Variants in ENTHD1 observed in about 807,000 individuals in gnomAD.
The protein encoded by ENTHD1 is ENTH domain-containing protein 1.
Under a neutral mutation model 39.1 loss-of-function variants are expected in ENTHD1, and 23 were observed. That is an observed-to-expected ratio of 0.59 (90% CI 0.42 to 0.83). ENTHD1 has a LOEUF of 0.83. ENTHD1 is among the 40% of genes least tolerant of loss of function. ENTHD1 has a pLI of 0.00. For missense variants in ENTHD1, 624 were observed against 705.4 expected (o/e 0.88, Z 1.31); for synonymous variants, 230 against 258.2 (o/e 0.89, Z 1.05).
intron 6 of ENTHD1, among the ~76,000 whole-genome samples, chr22:39,759,913 T>A (rs2065217404): frequency 6.6e-6 from 1 of 152,062 alleles, no homozygotes; most frequent in Non-Finnish European, 1.5e-5. Flanking sequence ...CTAATTTAAT[T>A]CTGCTGTGGC....
chr22:39,748,119 T>C (rs548671179), intron 6 of ENTHD1, among the ~76,000 whole-genome samples: 1 of 152,006 alleles, frequency 6.6e-6, no homozygotes, highest in African/African-American at 2.4e-5. Context: ...CATGGTGGTG[T>C]GTACCTGTGG....
intron 5 of ENTHD1, among the ~76,000 whole-genome samples, chr22:39,814,293 T>TCCAAAAAAAAAAAAA (rs1264135356): frequency 1.8e-5 from 2 of 108,914 alleles, no homozygotes; most frequent in African/African-American, 7.8e-5. Context: ...ACCCCATCTC[T>TCCAAAAAAAAAAAAA]ACAAAAAAAA....
At chr22:39,828,947 T>C (rs1365049920) in intron 4 of ENTHD1, among the ~76,000 whole-genome samples, 1 of 152,260 alleles carries the variant, frequency 6.6e-6, no homozygotes, top group Non-Finnish European at 1.5e-5. Context: ...AATTTTTCTT[T>C]CATTTATAAA....
At chr22:39,781,309 C>A (rs978443982) in intron 5 of ENTHD1, among the ~76,000 whole-genome samples, 5 of 152,024 alleles carry the variant, frequency 3.3e-5, no homozygotes, top group African/African-American at 4.8e-5. Context: ...TATAAAGTAT[C>A]TTTTTGGACC....
At chr22:39,887,344 A>G in intron 2 of ENTHD1, 56 bp downstream of exon 2, 1 of 1,451,300 alleles carries the variant, frequency 6.9e-7, no homozygotes, top group Non-Finnish European at 9.3e-7. Flanking sequence ...CCCATGCACC[A>G]GGATTACCGG....
chr22:39,875,105 T>C (rs903890409), intron 2 of ENTHD1, among the ~76,000 whole-genome samples: 12 of 152,204 alleles, frequency 7.9e-5, no homozygotes, highest in Non-Finnish European at 1.2e-4. Flanking sequence ...GGATAAACTG[T>C]GGTATGCACA....
chr22:39,839,814 C>G (rs2065930966), intron 3 of ENTHD1, among the ~76,000 whole-genome samples: 1 of 151,968 alleles, frequency 6.6e-6, no homozygotes, highest in Non-Finnish European at 1.5e-5. Flanking sequence ...GTCAGATGGT[C>G]AATTTTGAAG....
intron 4 of ENTHD1, among the ~76,000 whole-genome samples, chr22:39,833,527 C>T (rs1019093759): frequency 5.3e-5 from 8 of 151,646 alleles, no homozygotes; most frequent in Non-Finnish European, 1.0e-4. Flanking sequence ...AACATAAATA[C>T]TGAATATTAC....
intron 3 of ENTHD1, among the ~76,000 whole-genome samples, chr22:39,847,804 TG>T (rs1353065761): frequency 6.6e-6 from 1 of 152,238 alleles, no homozygotes; most frequent in Non-Finnish European, 1.5e-5. Context: ...AGTTTTCTAA[TG>T]GTGCTATAAG....
chr22:39,813,372 C>T (rs1478712061), intron 5 of ENTHD1, among the ~76,000 whole-genome samples: 2 of 152,240 alleles, frequency 1.3e-5, no homozygotes, highest in East Asian at 3.9e-4. Flanking sequence ...AACTCCTAAA[C>T]AAAATATTAG....
At chr22:39,804,452 C>CAAAAAAAAA in intron 5 of ENTHD1, among the ~76,000 whole-genome samples, 1 of 78,062 alleles carries the variant, frequency 1.3e-5, no homozygotes, top group Non-Finnish European at 2.7e-5. Flanking sequence ...GACTCTGTCT[C>CAAAAAAAAA]AAAAAAAAAA....
At chr22:39,797,147 A>C (rs1238833495) in intron 5 of ENTHD1, among the ~76,000 whole-genome samples, 2 of 152,156 alleles carry the variant, frequency 1.3e-5, no homozygotes, top group African/African-American at 4.8e-5. Flanking sequence ...TTTTGACTTA[A>C]AGTCTGTTTC....
chr22:39,887,830 C>A lies in ENTHD1; in HGVS notation c.-82G>T. On this transcript the variant is annotated 5_prime_UTR_variant, in exon 2 of 7. Coordinates refer to ENST00000325157, the MANE Select transcript of ENTHD1 (RefSeq NM_152512.4). Reference sequence around the variant, plus strand: ...TGTCACGGGTTTATAAAACTCTTGACAGGTAATTGGTCCCCAGTTCTGCTG... The same window carrying A: ...TGTCACGGGTTTATAAAACTCTTGAAAGGTAATTGGTCCCCAGTTCTGCTG... The A allele has an allele frequency of 1.0e-6, 1 of 1,000,890 alleles. No individual in the cohort carries two copies. The highest frequency in any genetic ancestry group is 2.5e-5 in the East Asian group (1 of 40,120). The allele number at this position is 1,000,890 out of a possible 1,614,324, so 62.0% of individuals were successfully genotyped here. A position where few individuals can be genotyped will look rare whatever the true frequency, so the allele number is the denominator to read the frequency against.
chr22:39,823,646 C>T (rs970092415), intron 4 of ENTHD1, among the ~76,000 whole-genome samples: 5 of 152,120 alleles, frequency 3.3e-5, no homozygotes, highest in Admixed American at 2.6e-4. Flanking sequence ...TGCCACTGTA[C>T]CAGCCTAGAT....
intron 6 of ENTHD1, among the ~76,000 whole-genome samples, chr22:39,757,847 G>A (rs1222215428): frequency 2.0e-5 from 3 of 150,894 alleles, no homozygotes; most frequent in Non-Finnish European, 4.4e-5. Flanking sequence ...TCATGATAGT[G>A]AGTGAATTCT....
At chr22:39,838,086 A>G (rs2065919074) in intron 3 of ENTHD1, among the ~76,000 whole-genome samples, 1 of 152,352 alleles carries the variant, frequency 6.6e-6, no homozygotes, top group South Asian at 2.1e-4. Flanking sequence ...ATGATACAAT[A>G]AAATTATTTT....
intron 5 of ENTHD1, among the ~76,000 whole-genome samples, chr22:39,771,327 CT>C (rs1444202326): frequency 6.6e-6 from 1 of 152,116 alleles, no homozygotes; most frequent in Admixed American, 6.6e-5. Context: ...GGGAAGTTTG[CT>C]GTTTTTCCAA....
intron 1 of ENTHD1, among the ~76,000 whole-genome samples, chr22:39,888,256 C>G (rs925375547): frequency 1.6e-5 from 2 of 128,524 alleles, no homozygotes; most frequent in Admixed American, 8.0e-5. Context: ...TTCTTTCTTT[C>G]TTTCTTTTTT....
rs111462303 is a variant in ENTHD1, at chr22:39,770,469, A to C, written c.833-4860T>G. Among the ~76,000 whole-genome samples, 58 of 152,114 alleles carry C rather than the reference A, an allele frequency of 3.8e-4. 1 individual carries two copies. The highest frequency in any genetic ancestry group is 1.3e-3 in the African/African-American group (55 of 41,494). ...TCTCTTAACATTAGCACCCGCCAAC[A>C]AGCACCCCATCCTAAGAGGCCTGGG... On this transcript the variant is annotated intron_variant, in intron 5 of 6. Coordinates refer to ENST00000325157, the MANE Select transcript of ENTHD1 (RefSeq NM_152512.4).
Sources: gnomAD v4.1 joint callset for allele counts (sites outside exome capture counted in the v4.1 genomes callset) on GRCh38, gnomAD v4.1.1 for gene constraint, MANE v1.5 for transcripts, NCBI Gene and HGNC (gene_info 2026-07-23, HGNC 2026-07-21) for gene names.